The following SLC22A5 variants were observed in gnomAD, a reference collection of about 807,000 sequenced individuals.
The protein encoded by SLC22A5 is organic cation/carnitine transporter 2.
Under a neutral mutation model 56.7 loss-of-function variants are expected in SLC22A5, and 44 were observed. The ratio of observed to expected loss-of-function variants is 0.78; its 90% CI spans 0.61 to 1.00. SLC22A5 has a LOEUF of 1.00. Among genes scored for constraint, SLC22A5 ranks in the 50% least tolerant of loss-of-function variants. The probability of loss-of-function intolerance (pLI) is 0.00; values close to 1 mark genes in which losing one functional copy is unlikely to be tolerated. For missense variants in SLC22A5, 675 were observed against 723.0 expected (o/e 0.93, Z 0.76); for synonymous variants, 278 against 292.1 (o/e 0.95, Z 0.49).
chr5:132,393,525 C>A, intron 8 of SLC22A5, 151 bp from the exon 9 acceptor site: 2 of 979,394 alleles, frequency 2.0e-6, no homozygotes, highest in Non-Finnish European at 3.2e-6. Flanking sequence ...TGTCTAGATG[C>A]CAGATTCTAA....
chr5:132,389,002 A>C lies in SLC22A5; in HGVS notation c.1033A>C (p.Ile345Leu). ...LRTWNIRMVT[I>L]MSIMLWMTIS... ...AACCTGGAATATCCGGATGGTCACC[A>C]TCATGTCCATAATGCTGTGGTATGT... The change falls in exon 6 of 10, where the codon ATC (isoleucine) becomes CTC (leucine). Residue 345 changes from isoleucine (I) to leucine (L), a missense_variant. Coordinates refer to ENST00000245407, the MANE Select transcript of SLC22A5 (RefSeq NM_003060.4). The C allele has an allele frequency of 3.1e-6, 5 of 1,612,498 alleles. No homozygotes were observed. The highest frequency in any genetic ancestry group is 3.4e-6 in the Non-Finnish European group (4 of 1,178,448).
In SLC22A5 at chr5:132,385,360, ATAT is replaced by A. The variant is rs1173523095; in HGVS notation, c.687_689del (p.Phe230del). ...AATTCTTGGCAAGTCAGTTCGTATA[ATAT>A]TCTCTACGTTAGGAGTGTGCATATT... On this transcript the variant is annotated inframe_deletion, in exon 4 of 10. Coordinates refer to ENST00000245407, the MANE Select transcript of SLC22A5 (RefSeq NM_003060.4). The A allele has an allele frequency of 1.9e-6, 3 of 1,614,026 alleles. No individual in the cohort carries two copies. In the African/African-American group the frequency reaches 4.0e-5, roughly 22 times the overall value.
chr5:132,385,339 C>T lies in SLC22A5; in HGVS notation c.664C>T (p.Leu222Phe). 1 of 1,614,052 alleles carries T rather than the reference C, an allele frequency of 6.2e-7. No homozygotes were observed. The highest frequency in any genetic ancestry group is 8.5e-7 in the Non-Finnish European group (1 of 1,179,998). ...VAAFVLGTEI[L>F]GKSVRIIFST... ...CTTGTTTTGAACAGGGACAGAAATT[C>T]TTGGCAAGTCAGTTCGTATAATATT... is the stretch of plus-strand genomic sequence containing the variant. The change falls in exon 4 of 10, where the codon CTT becomes TTT. Residue 222 changes from leucine (L) to phenylalanine (F), a missense_variant. By Grantham distance (22) the Leu-to-Phe change is conservative (BLOSUM62 0). Coordinates refer to ENST00000245407, the MANE Select transcript of SLC22A5 (RefSeq NM_003060.4).
intron 6 of SLC22A5, chr5:132,390,333 G>A: frequency 2.7e-6 from 1 of 366,640 alleles, no homozygotes. Flanking sequence ...AGCTCCTTCT[G>A]CAGTTGCTGG....
Position 132,378,133 on chromosome 5 carries a change from C to T in SLC22A5, c.394-245C>T. ...TCAGCATGTGGACAGAACACTTACTCTCTGCCTGTCTCTCCTCCTCAAAAT... is the reference window on the plus strand; with the variant it reads ...TCAGCATGTGGACAGAACACTTACTTTCTGCCTGTCTCTCCTCCTCAAAAT... On this transcript the variant is annotated intron_variant, in intron 1 of 9. Transcript: ENST00000245407. 1.9e-6 allele frequency: 3 copies of T among 1,555,862 alleles called. No individual in the cohort carries two copies. In the South Asian group the frequency reaches 3.5e-5, roughly 18 times the overall value.
intron 4 of SLC22A5, among the ~76,000 whole-genome samples, chr5:132,386,118 G>T (rs372280830): frequency 5.9e-5 from 9 of 152,230 alleles, no homozygotes; most frequent in African/African-American, 7.2e-5. Flanking sequence ...GACCGAGGGT[G>T]GGGGGCGGCT....
At chr5:132,389,196 T>C in intron 6 of SLC22A5, 175 bp downstream of exon 6, 1 of 622,806 alleles carries the variant, frequency 1.6e-6, no homozygotes. Context: ...CTTAATGGGA[T>C]GGAACCTCAG....
intron 7 of SLC22A5, 50 bp from the exon 8 acceptor site, chr5:132,392,383 C>T: frequency 1.3e-6 from 2 of 1,522,100 alleles, no homozygotes; most frequent in Non-Finnish European, 1.8e-6. Flanking sequence ...TCAATAGCTG[C>T]ATGCCATGGG....
At chr5:132,384,118 G>A (rs1752439953) in intron 2 of SLC22A5, 29 bp from the exon 3 acceptor site, 3 of 1,613,654 alleles carry the variant, frequency 1.9e-6, no homozygotes, top group African/African-American at 2.7e-5. Context: ...TTTCCAGCTG[G>A]TTATCTGTCA....
chr5:132,385,967 C>A (rs1475183291), intron 4 of SLC22A5, among the ~76,000 whole-genome samples: 1 of 152,232 alleles, frequency 6.6e-6, no homozygotes, highest in Non-Finnish European at 1.5e-5. Context: ...CCATTCCAGA[C>A]CAAGAGGGGA....
chr5:132,370,053 C>T lies in SLC22A5; in HGVS notation c.81C>T (p.Ala27=). The change falls in exon 1 of 10, where the codon GCC becomes GCT. Residue 27 remains alanine (A), a synonymous_variant. Transcript: ENST00000245407. ...FQRLIFFLLS[A]SIIPNGFTGL... ...GCCTCATCTTCTTCCTGCTCAGCGC[C>T]AGCATCATCCCCAATGGCTTCACCG... 6.2e-7 allele frequency: 1 copy of T among 1,613,394 alleles called. No individual in the cohort carries two copies. Among genetic ancestry groups the T allele is most frequent in the Non-Finnish European group, 8.5e-7 (1 of 1,179,754 alleles).
chr5:132,389,541 C>T lies in SLC22A5; in HGVS notation c.1052+520C>T, dbSNP rs758482240. Reference sequence around the variant, plus strand: ...TTCCCACTAATGAGGCAAAGTATGTCAGAAAGGGATTTGTGAATTACCAGG... The same window carrying T: ...TTCCCACTAATGAGGCAAAGTATGTTAGAAAGGGATTTGTGAATTACCAGG... On this transcript the variant is annotated intron_variant, in intron 6 of 9. Coordinates refer to ENST00000245407, the MANE Select transcript of SLC22A5 (RefSeq NM_003060.4). The T allele has an allele frequency of 2.6e-4, 44 of 168,882 alleles. 1 individual carries two copies. The highest frequency in any genetic ancestry group is 5.6e-4 in the Non-Finnish European group (43 of 77,202). The allele number at this position is 168,882 out of a possible 1,614,324, so 10.5% of individuals were successfully genotyped here.
Position 132,391,833 on chromosome 5 carries a change from A to G in SLC22A5, c.1268-600A>G, listed in dbSNP as rs553765924. On this transcript the variant is annotated intron_variant, in intron 7 of 9. Transcript: ENST00000245407. The stretch of plus-strand genomic sequence containing the variant: ...GCCTCTGATGGTCACTTTTGGGCCC[A>G]TCAGGCTGAGAACACTGCACGGGAA... Among the ~76,000 whole-genome samples, 584 of 152,296 alleles carry G rather than the reference A, an allele frequency of 3.8e-3. 2 individuals carry two copies. The highest frequency in any genetic ancestry group is 0.013 in the African/African-American group (547 of 41,562).
chr5:132,383,837 TA>T (rs1262833952), intron 2 of SLC22A5: 22 of 340,220 alleles, frequency 6.5e-5, no homozygotes, highest in East Asian at 3.1e-4. Flanking sequence ...GATTCTTTTT[TA>T]AAAAAAATAT....
chr5:132,374,785 G>A (rs1283647285), intron 1 of SLC22A5, among the ~76,000 whole-genome samples: 1 of 152,066 alleles, frequency 6.6e-6, no homozygotes, highest in Admixed American at 6.5e-5. Context: ...GCCAGGTGTG[G>A]TGGCTCTTGC....
Position 132,386,731 on chromosome 5 carries a change from A to C in SLC22A5, c.825-294A>C, listed in dbSNP as rs115371459. Among the ~76,000 whole-genome samples the C allele has an allele frequency of 4.7e-3, 709 of 152,348 alleles. 4 individuals carry two copies. Among genetic ancestry groups the C allele is most frequent in the African/African-American group, 0.013 (560 of 41,578 alleles). ...GAGCCCATCTTGCACCCATCTCCTCAGCCCAGCAGATGGCAACACTGCTCT... is the reference window on the plus strand; with the variant it reads ...GAGCCCATCTTGCACCCATCTCCTCCGCCCAGCAGATGGCAACACTGCTCT... On this transcript the variant is annotated intron_variant, in intron 4 of 9. Coordinates refer to ENST00000245407, the MANE Select transcript of SLC22A5 (RefSeq NM_003060.4).
chr5:132,371,596 A>T (rs1298688749), intron 1 of SLC22A5, among the ~76,000 whole-genome samples: 1 of 152,158 alleles, frequency 6.6e-6, no homozygotes, highest in Non-Finnish European at 1.5e-5. Context: ...GTAAGTAGCC[A>T]GTGAATAGCC....
intron 1 of SLC22A5, among the ~76,000 whole-genome samples, chr5:132,370,833 C>A (rs752845128): frequency 1.3e-5 from 2 of 152,126 alleles, no homozygotes; most frequent in Non-Finnish European, 2.9e-5. Context: ...CATGTGTATA[C>A]AACTGCCTCT....
intron 1 of SLC22A5, among the ~76,000 whole-genome samples, chr5:132,374,130 G>T (rs1347724365): frequency 6.6e-6 from 1 of 151,890 alleles, no homozygotes; most frequent in Admixed American, 6.6e-5. Flanking sequence ...TGAGGCAGGA[G>T]AATTTCTTGA....
Sources: allele counts gnomAD v4.1 joint callset (sites outside exome capture counted in the v4.1 genomes callset), GRCh38; gene constraint gnomAD v4.1.1; transcripts MANE v1.5; gene names NCBI Gene and HGNC (gene_info 2026-07-23, HGNC 2026-07-21).